Variants in ZDHHC14 observed in about 807,000 individuals in gnomAD.
ZDHHC14 encodes palmitoyltransferase ZDHHC14.
In ZDHHC14, 16 loss-of-function variants were observed where a neutral mutation model predicts 47.7. The ratio of observed to expected loss-of-function variants is 0.34; its 90% confidence interval spans 0.23 to 0.51. The LOEUF (loss-of-function observed/expected upper bound fraction) is 0.51, where lower values mean the gene tolerates loss of function less well. Among genes scored for constraint, ZDHHC14 ranks in the 20% least tolerant of loss-of-function variants. The probability of loss-of-function intolerance (pLI) is 0.97; values close to 1 mark genes in which losing one functional copy is unlikely to be tolerated. For missense variants in ZDHHC14, 515 were observed against 662.5 expected, an observed-to-expected ratio of 0.78 and a Z score of 2.44; for synonymous variants, 293 against 278.9, an observed-to-expected ratio of 1.05 and a Z score of -0.50.
chr6:157,509,865 G>A (rs762463616), intron 1 of ZDHHC14, among the ~76,000 whole-genome samples: 7 of 152,242 alleles, frequency 4.6e-5, no homozygotes, highest in Admixed American at 1.3e-4. Context: ...CGAATTGACA[G>A]GTGGAGAATC....
Position 157,582,643 on chromosome 6 carries a change from C to T in ZDHHC14, c.407-10345C>T, listed in dbSNP as rs2114875670. On this transcript the variant is annotated intron_variant, in intron 2 of 8. Transcript: ENST00000359775. This position sits in a 1 kb window ranked among gnomAD's most constrained non-coding sequence, Gnocchi z 4.3. ...CCTTTGTAAGTGAACTGCCTCTTCT[C>T]TCTACATTTCTTTAACATTGTTTCT... 1.3e-5 allele frequency among the ~76,000 whole-genome samples: 2 copies of T among 152,318 alleles called. No homozygotes were observed. The highest frequency in any genetic ancestry group is 6.8e-3 in the Middle Eastern group (2 of 294).
chr6:157,492,206 G>GCCCC (rs954347593), intron 1 of ZDHHC14, among the ~76,000 whole-genome samples: 7,188 of 82,390 alleles, frequency 0.087, 817 homozygotes, highest in African/African-American at 0.27. Flanking sequence ...CTCCGCCCCC[G>GCCCC]CCCCCCAGCC....
chr6:157,518,709 C>T (rs1320569199), intron 1 of ZDHHC14, among the ~76,000 whole-genome samples: 1 of 133,544 alleles, frequency 7.5e-6, no homozygotes, highest in African/African-American at 2.8e-5. Flanking sequence ...AGCCTGTGTT[C>T]GTTATTTAGA....
chr6:157,457,392 T>A (rs1778946470), intron 1 of ZDHHC14, among the ~76,000 whole-genome samples: 1 of 152,162 alleles, frequency 6.6e-6, no homozygotes, highest in South Asian at 2.1e-4. Context: ...GGAATGCCAT[T>A]CCCTGGAACT....
intron 1 of ZDHHC14, among the ~76,000 whole-genome samples, chr6:157,405,255 T>C (rs924982504): frequency 2.0e-5 from 3 of 152,124 alleles, no homozygotes; most frequent in African/African-American, 7.2e-5. Context: ...TTTTTTGAGA[T>C]GGAGTCTCGC....
At chr6:157,623,794 C>T (rs113665023) in intron 3 of ZDHHC14, among the ~76,000 whole-genome samples, 21 of 152,014 alleles carry the variant, frequency 1.4e-4, no homozygotes, top group African/African-American at 4.1e-4. Flanking sequence ...GTGATCTGCC[C>T]GCCTCGGCCT....
chr6:157,655,229 AT>A (rs1778030815), intron 8 of ZDHHC14, among the ~76,000 whole-genome samples: 1 of 152,184 alleles, frequency 6.6e-6, no homozygotes, highest in South Asian at 2.1e-4. Flanking sequence ...AGGGGATTAC[AT>A]TCATGGAGAT....
chr6:157,645,966 C>G, intron 6 of ZDHHC14, 127 bp downstream of exon 6: 2 of 735,828 alleles, frequency 2.7e-6, no homozygotes, highest in Non-Finnish European at 4.4e-6. Flanking sequence ...CCCTTGGGAA[C>G]AGAGACGGTG....
At chr6:157,440,990 A>G (rs1376142733) in intron 1 of ZDHHC14, among the ~76,000 whole-genome samples, 1 of 152,186 alleles carries the variant, frequency 6.6e-6, no homozygotes, top group Non-Finnish European at 1.5e-5. Context: ...ATAAAAAGGG[A>G]AAAAAACAAA....
At chr6:157,633,488 G>A (rs994816852) in intron 5 of ZDHHC14, among the ~76,000 whole-genome samples, 20 of 152,154 alleles carry the variant, frequency 1.3e-4, no homozygotes, top group African/African-American at 4.8e-4. Context: ...AGAAAAGCGT[G>A]TGCCCATTAA....
chr6:157,578,092 T>C (rs964461821), intron 2 of ZDHHC14, among the ~76,000 whole-genome samples: 1 of 152,232 alleles, frequency 6.6e-6, no homozygotes, highest in Non-Finnish European at 1.5e-5. Context: ...TTATGGATAT[T>C]ACAACTTTGT....
chr6:157,595,174 A>ATTTTTTTTTTTTTTTTTTTTTTTT (rs777568494), intron 3 of ZDHHC14, among the ~76,000 whole-genome samples: 1 of 62,714 alleles, frequency 1.6e-5, no homozygotes, highest in African/African-American at 7.4e-5. Context: ...TCTAGGCTAG[A>ATTTTTTTTTTTTTTTTTTTTTTTT]TTTTTTTTTT....
At chr6:157,647,396 C>T (rs1298599174) in intron 7 of ZDHHC14, 28 bp downstream of exon 7, 2 of 1,572,786 alleles carry the variant, frequency 1.3e-6, no homozygotes, top group Admixed American at 1.8e-5. Context: ...TCGTGCTCTT[C>T]AACAGACCTT....
chr6:157,469,538 C>T (rs189672440), intron 1 of ZDHHC14, among the ~76,000 whole-genome samples: 17 of 152,296 alleles, frequency 1.1e-4, no homozygotes, highest in South Asian at 8.3e-4. Context: ...CTTAGTGACT[C>T]CTGACAACAG....
At chr6:157,412,277 G>A (rs1777885870) in intron 1 of ZDHHC14, among the ~76,000 whole-genome samples, 1 of 149,306 alleles carries the variant, frequency 6.7e-6, no homozygotes, top group East Asian at 2.0e-4. Context: ...GTAATAGAAT[G>A]GAGTTTTGTT....
At chr6:157,485,315 C>T (rs997420531) in intron 1 of ZDHHC14, among the ~76,000 whole-genome samples, 3 of 152,060 alleles carry the variant, frequency 2.0e-5, no homozygotes, top group African/African-American at 4.8e-5. Flanking sequence ...TGCACACACC[C>T]GGGATCCACC....
intron 2 of ZDHHC14, 140 bp downstream of exon 2, chr6:157,542,885 G>A (rs917122322): frequency 9.4e-7 from 1 of 1,066,824 alleles, no homozygotes; most frequent in Non-Finnish European, 1.3e-6. Context: ...TCCTTAGCTC[G>A]CTGGGTGGGC....
intron 1 of ZDHHC14, among the ~76,000 whole-genome samples, chr6:157,420,462 A>G (rs999303555): frequency 2.7e-5 from 4 of 149,666 alleles, no homozygotes; most frequent in Admixed American, 6.7e-5. Flanking sequence ...TCGAGGCACT[A>G]ATGAAGGAGA....
intron 1 of ZDHHC14, 67 bp from the exon 2 acceptor site, chr6:157,542,518 T>C (rs17165416): frequency 0.41 from 629,351 of 1,545,354 alleles, 129,220 homozygotes; most frequent in Admixed American, 0.49. Context: ...GACTGCTTAC[T>C]GTTGATTCCT....
Sources: gnomAD v4.1 joint callset for allele counts (sites outside exome capture counted in the v4.1 genomes callset) on GRCh38, gnomAD v4.1.1 for gene constraint, Gnocchi (gnomAD v3.1) non-coding constraint, MANE v1.5 for transcripts, NCBI Gene and HGNC (gene_info 2026-07-23, HGNC 2026-07-21) for gene names.